EXOC4: variants seen among roughly 807,000 people sequenced by gnomAD.
EXOC4 encodes exocyst complex component 4, also known as SEC8-like 1.
In EXOC4, 71 loss-of-function variants were observed where a neutral mutation model predicts 107.2. That is an observed-to-expected ratio of 0.66 (90% CI 0.55 to 0.81). EXOC4 has a LOEUF of 0.81. Among genes scored for constraint, EXOC4 ranks in the 30% least tolerant of loss-of-function variants. The pLI, the probability that EXOC4 is intolerant of heterozygous loss-of-function variation, is 0.00. For synonymous variants in EXOC4, 456 were observed against 441.2 expected (o/e 1.03, Z -0.42); for missense variants, 1,108 against 1,189.6 (o/e 0.93, Z 1.01).
intron 10 of EXOC4, among the ~76,000 whole-genome samples, chr7:133,675,143 TGGAG>T (rs1416970635): frequency 6.6e-6 from 1 of 152,144 alleles, no homozygotes; most frequent in African/African-American, 2.4e-5. Flanking sequence ...CCCTTAGTTT[TGGAG>T]GGTTGTGTTT....
At chr7:133,622,015 C>T (rs1374459512) in intron 9 of EXOC4, among the ~76,000 whole-genome samples, 1 of 152,154 alleles carries the variant, frequency 6.6e-6, no homozygotes, top group African/African-American at 2.4e-5. Flanking sequence ...CACTCTGTTG[C>T]CCAGGCTGGG....
chr7:133,595,126 T>C (rs538374363), intron 9 of EXOC4, among the ~76,000 whole-genome samples: 7 of 151,910 alleles, frequency 4.6e-5, no homozygotes, highest in African/African-American at 7.2e-5. Flanking sequence ...GTGGATGAAA[T>C]CAGAGAGAAC....
the EXOC4 span, among the ~76,000 whole-genome samples, chr7:134,086,586 C>A: frequency 4.6e-5 from 7 of 152,088 alleles, no homozygotes; most frequent in African/African-American, 1.7e-4. Flanking sequence ...GGCCTCAGTT[C>A]AAAAATATTT....
intron 3 of EXOC4, among the ~76,000 whole-genome samples, chr7:133,294,215 C>A (rs950496637): frequency 6.6e-6 from 1 of 152,140 alleles, no homozygotes; most frequent in African/African-American, 2.4e-5. Flanking sequence ...AGCTTCTTCC[C>A]AGTGGCATGA....
chr7:133,323,006 GCTCT>G (rs1795150870), intron 5 of EXOC4, among the ~76,000 whole-genome samples: 1 of 152,058 alleles, frequency 6.6e-6, no homozygotes. Flanking sequence ...TCATGATTTG[GCTCT>G]CTGTCTGTTA....
chr7:133,840,395 C>A (rs1479264951), intron 11 of EXOC4, among the ~76,000 whole-genome samples: 1 of 152,142 alleles, frequency 6.6e-6, no homozygotes, highest in Non-Finnish European at 1.5e-5. Flanking sequence ...CAACAAAAAT[C>A]TATTACAAAG....
chr7:133,848,307 C>T (rs1034754088), intron 11 of EXOC4, among the ~76,000 whole-genome samples: 1 of 152,142 alleles, frequency 6.6e-6, no homozygotes, highest in Non-Finnish European at 1.5e-5. Flanking sequence ...ATTTTTATAT[C>T]AACTCCGGCA....
chr7:134,075,237 G>A, the EXOC4 span, among the ~76,000 whole-genome samples: 1 of 152,180 alleles, frequency 6.6e-6, no homozygotes, highest in African/African-American at 2.4e-5. Flanking sequence ...GGGTGATGGT[G>A]TATAAGTGCA....
At chr7:133,257,366 GCACACACA>G (rs35107499) in intron 1 of EXOC4, among the ~76,000 whole-genome samples, 2 of 149,798 alleles carry the variant, frequency 1.3e-5, no homozygotes, top group Non-Finnish European at 3.0e-5. Flanking sequence ...TTACACACAC[GCACACACA>G]CACACACACA....
At chr7:133,752,905 C>T (rs1208331328) in intron 10 of EXOC4, among the ~76,000 whole-genome samples, 1 of 152,204 alleles carries the variant, frequency 6.6e-6, no homozygotes, top group Non-Finnish European at 1.5e-5. Context: ...TTTGACCGCT[C>T]CACTGGCTCT....
At chr7:133,698,257 T>G (rs976710835) in intron 10 of EXOC4, among the ~76,000 whole-genome samples, 1 of 151,946 alleles carries the variant, frequency 6.6e-6, no homozygotes, top group African/African-American at 2.4e-5. Flanking sequence ...AAAAACATTG[T>G]GTATAGTTTA....
intron 7 of EXOC4, among the ~76,000 whole-genome samples, chr7:133,423,633 G>A (rs1797653671): frequency 6.6e-6 from 1 of 152,214 alleles, no homozygotes; most frequent in Non-Finnish European, 1.5e-5. Context: ...GTGACAACGT[G>A]CTAGCAGCCC....
intron 9 of EXOC4, among the ~76,000 whole-genome samples, chr7:133,482,423 C>T (rs962994892): frequency 6.6e-6 from 1 of 152,128 alleles, no homozygotes; most frequent in Non-Finnish European, 1.5e-5. Flanking sequence ...AAATAGTCAA[C>T]AAGGGCACAG....
intron 5 of EXOC4, among the ~76,000 whole-genome samples, chr7:133,326,942 C>A (rs527502870): frequency 2.6e-5 from 4 of 152,340 alleles, no homozygotes; most frequent in Non-Finnish European, 5.9e-5. Context: ...TGCTGCCTTG[C>A]AGGTCAATCT....
At chr7:133,934,024 G>A (rs1585259322) in intron 13 of EXOC4, among the ~76,000 whole-genome samples, 1 of 152,192 alleles carries the variant, frequency 6.6e-6, no homozygotes, top group South Asian at 2.1e-4. Flanking sequence ...ATATCATACA[G>A]TACCTATAGT....
intron 14 of EXOC4, among the ~76,000 whole-genome samples, chr7:133,994,690 T>C (rs1794344695): frequency 6.6e-6 from 1 of 152,116 alleles, no homozygotes; most frequent in Non-Finnish European, 1.5e-5. Flanking sequence ...TGGGCTCTTC[T>C]GATATGAAGG....
intron 10 of EXOC4, among the ~76,000 whole-genome samples, chr7:133,787,955 T>TTTTTTATATATA (rs774395151): frequency 6.3e-5 from 2 of 31,646 alleles, no homozygotes; most frequent in Non-Finnish European, 1.2e-4. Flanking sequence ...GTGCATATAT[T>TTTTTTATATATA]TATATATTTA....
chr7:133,810,165 A>G (rs1797185480), intron 10 of EXOC4, among the ~76,000 whole-genome samples: 1 of 152,216 alleles, frequency 6.6e-6, no homozygotes, highest in African/African-American at 2.4e-5. Context: ...TAAATAAAAC[A>G]TCACTGCTGT....
intron 7 of EXOC4, among the ~76,000 whole-genome samples, chr7:133,403,486 T>G (rs1797140668): frequency 6.6e-6 from 1 of 152,242 alleles, no homozygotes; most frequent in Admixed American, 6.5e-5. Flanking sequence ...GGAATGAATT[T>G]AGCCCATTAT....
Sources: allele counts gnomAD v4.1 joint callset (sites outside exome capture counted in the v4.1 genomes callset), GRCh38; gene constraint gnomAD v4.1.1; transcripts MANE v1.5; gene names NCBI Gene and HGNC (gene_info 2026-07-23, HGNC 2026-07-21).